CLASP2: variants seen among roughly 807,000 people sequenced by gnomAD.
CLASP2 encodes cytoplasmic linker associated protein 2.
In CLASP2, 47 loss-of-function variants were observed where a neutral mutation model predicts 194.4. The observed-to-expected ratio is 0.24, with a 90% CI of 0.19 to 0.31. The LOEUF is 0.31. Ranked by LOEUF, CLASP2 falls within the 10% of genes least tolerant of loss-of-function variation. The pLI is 1.00. For missense variants in CLASP2, 1,445 were observed against 1,823.6 expected, an observed-to-expected ratio of 0.79 and a Z score of 3.78; for synonymous variants, 619 against 633.5, an observed-to-expected ratio of 0.98 and a Z score of 0.34.
intron 18 of CLASP2, 134 bp downstream of exon 18, chr3:33,602,817 AT>A: frequency 2.1e-6 from 2 of 938,952 alleles, no homozygotes; most frequent in Non-Finnish European, 1.7e-6. Context: ...TGTGTCCGCA[AT>A]ATAGAATTAT....
intron 6 of CLASP2, among the ~76,000 whole-genome samples, chr3:33,674,587 G>A (rs2088113623): frequency 6.6e-6 from 1 of 151,944 alleles, no homozygotes; most frequent in South Asian, 2.1e-4. Flanking sequence ...ACTAAAATCA[G>A]AGCAAAACTG....
chr3:33,715,877 A>G (rs2093273807), intron 1 of CLASP2, among the ~76,000 whole-genome samples: 2 of 93,154 alleles, frequency 2.1e-5, no homozygotes, highest in Non-Finnish European at 4.4e-5. Flanking sequence ...AAAAAAAAAG[A>G]TTACCCAGTT....
intron 16 of CLASP2, among the ~76,000 whole-genome samples, chr3:33,605,526 C>G (rs958255176): frequency 6.6e-6 from 1 of 152,138 alleles, no homozygotes; most frequent in Non-Finnish European, 1.5e-5. Context: ...ACCCTAGGTG[C>G]CTCACTTGCC....
intron 8 of CLASP2, among the ~76,000 whole-genome samples, chr3:33,641,804 C>T (rs2081354981): frequency 0.016 from 1 of 64 alleles, no homozygotes; most frequent in South Asian, 0.25. Context: ...TTGTCAAACC[C>T]AGTGGCTGTG....
intron 1 of CLASP2, among the ~76,000 whole-genome samples, chr3:33,710,349 A>G (rs2092938587): frequency 6.6e-6 from 1 of 152,230 alleles, no homozygotes; most frequent in South Asian, 2.1e-4. Flanking sequence ...GTTTTTAATT[A>G]TTATCATAAG....
rs558242657 is a variant in CLASP2 at position 33,672,235 on chromosome 3, T to C, written c.645-8720A>G. 2.0e-5 allele frequency among the ~76,000 whole-genome samples: 3 copies of C among 152,116 alleles called. No homozygotes were observed. In the East Asian group the frequency reaches 5.8e-4, roughly 29 times the overall value. ...GACACCTCACATGGCCGGGGACTCC[T>C]CTGAGACAAAACTTCCAGAGGAACG... On this transcript the variant is annotated intron_variant, in intron 6 of 38. Coordinates refer to ENST00000682230, the MANE Select transcript of CLASP2 (RefSeq NM_001365631.1).
At chr3:33,611,618 T>C (rs913560169) in intron 13 of CLASP2, among the ~76,000 whole-genome samples, 88 of 152,154 alleles carry the variant, frequency 5.8e-4, no homozygotes, top group African/African-American at 2.1e-3. Context: ...TCTACGGGGT[T>C]GACATTATTA....
chr3:33,592,357 T>C (rs1433815903), intron 21 of CLASP2, 38 bp downstream of exon 21: 1 of 1,366,706 alleles, frequency 7.3e-7, no homozygotes, highest in East Asian at 2.3e-5. Context: ...TATCCTAACA[T>C]AGTGACAAAT....
At position 33,531,491 on chromosome 3, in the gene CLASP2, G is replaced by A. The variant is rs140581902; in HGVS notation, c.3787+3742C>T. On this transcript the variant is annotated intron_variant, in intron 34 of 38. Transcript: ENST00000682230. ...GGGAAATGCAAATCAAAACTACAAT[G>A]ACGGCCAGGTGCAACGGCTCATACC... Among the ~76,000 whole-genome samples the A allele has an allele frequency of 5.9e-4, 90 of 152,242 alleles. 1 individual carries two copies. The highest frequency in any genetic ancestry group is 3.5e-3 in the South Asian group (17 of 4,810).
intron 9 of CLASP2, among the ~76,000 whole-genome samples, chr3:33,627,447 A>G (rs1343246074): frequency 6.6e-6 from 1 of 152,162 alleles, no homozygotes; most frequent in Non-Finnish European, 1.5e-5. Context: ...CAATATTACA[A>G]AAAGGACATG....
At chr3:33,553,004 T>C (rs1009128745) in intron 29 of CLASP2, among the ~76,000 whole-genome samples, 1 of 152,216 alleles carries the variant, frequency 6.6e-6, no homozygotes, top group African/African-American at 2.4e-5. Context: ...ACATATTCAA[T>C]GTGAATTTGC....
At chr3:33,609,905 G>A (rs2074744702) in intron 13 of CLASP2, among the ~76,000 whole-genome samples, 1 of 152,138 alleles carries the variant, frequency 6.6e-6, no homozygotes, top group Non-Finnish European at 1.5e-5. Flanking sequence ...AAATGGGGAG[G>A]TTAAATTAAC....
At chr3:33,608,501 C>T (rs1024099965) in intron 14 of CLASP2, 66 bp downstream of exon 14, 1 of 1,231,244 alleles carries the variant, frequency 8.1e-7, no homozygotes, top group Non-Finnish European at 1.2e-6. Flanking sequence ...AAACCAATAC[C>T]ATCAACTTCT....
intron 22 of CLASP2, among the ~76,000 whole-genome samples, chr3:33,582,453 G>A (rs577361438): frequency 3.3e-5 from 5 of 152,078 alleles, no homozygotes; most frequent in Non-Finnish European, 2.9e-5. Flanking sequence ...CTGGGAGATC[G>A]AGATCAGTCT....
chr3:33,665,380 G>A (rs2086011550), intron 6 of CLASP2, among the ~76,000 whole-genome samples: 1 of 152,080 alleles, frequency 6.6e-6, no homozygotes, highest in Admixed American at 6.5e-5. Flanking sequence ...GAGAGGAGGG[G>A]AGGGGAAAAG....
intron 1 of CLASP2, 119 bp downstream of exon 1, chr3:33,717,687 AGT>A (rs2093361642): frequency 9.2e-7 from 1 of 1,084,300 alleles, no homozygotes. Context: ...TGCTTCCCAA[AGT>A]GTGTTTCCCC....
chr3:33,539,356 C>T (rs895560303), intron 32 of CLASP2, among the ~76,000 whole-genome samples: 3 of 151,002 alleles, frequency 2.0e-5, no homozygotes, highest in African/African-American at 2.4e-5. Context: ...TTTTTGGAGA[C>T]GAAATCTCAC....
chr3:33,676,960 C>T (rs1478463274), intron 6 of CLASP2, among the ~76,000 whole-genome samples: 1 of 152,102 alleles, frequency 6.6e-6, no homozygotes, highest in Non-Finnish European at 1.5e-5. Flanking sequence ...AAAATGCTCA[C>T]CATCACTGGT....
Position 33,496,263 on chromosome 3 carries a change from A to G in CLASP2, c.*2368T>C. 6.6e-6 allele frequency: 1 copy of G among 152,244 alleles called. No individual in the cohort carries two copies. Among genetic ancestry groups the G allele is most frequent in the East Asian group, 1.9e-4 (1 of 5,198 alleles). The allele number at this position is 152,244 out of a possible 1,614,324, so 9.4% of individuals were successfully genotyped here. On this transcript the variant is annotated 3_prime_UTR_variant, in exon 39 of 39. Transcript: ENST00000682230. ...AAACATGTTTTACAATCTGGAATATATAATTTTAATTAGTTCTCAGCAGTG... is the reference window on the plus strand; with the variant it reads ...AAACATGTTTTACAATCTGGAATATGTAATTTTAATTAGTTCTCAGCAGTG...
Sources: allele counts gnomAD v4.1 joint callset (sites outside exome capture counted in the v4.1 genomes callset), GRCh38; gene constraint gnomAD v4.1.1; transcripts MANE v1.5; gene names NCBI Gene and HGNC (gene_info 2026-07-23, HGNC 2026-07-21).